Variants in ERBB4 observed in about 807,000 individuals in gnomAD.
ERBB4 encodes the protein erb-b2 receptor tyrosine kinase 4.
ERBB4 carries 42 observed loss-of-function variants against 158.0 expected under a neutral mutation model. That is an observed-to-expected ratio of 0.27 (90% CI 0.21 to 0.34). The LOEUF is 0.34. Ranked by LOEUF, ERBB4 falls within the 10% of genes least tolerant of loss-of-function variation. The pLI is 1.00. For synonymous variants in ERBB4, 583 were observed against 558.7 expected (o/e 1.04, Z -0.61); for missense variants, 1,333 against 1,624.1 (o/e 0.82, Z 3.08).
chr2:212,138,312 A>G (rs984621072), intron 1 of ERBB4, among the ~76,000 whole-genome samples: 4 of 152,188 alleles, frequency 2.6e-5, no homozygotes, highest in South Asian at 2.1e-4. Flanking sequence ...ACAGTAGTCA[A>G]TGATGTTACC....
chr2:212,101,862 C>A (rs2079093313), intron 2 of ERBB4, among the ~76,000 whole-genome samples: 1 of 151,734 alleles, frequency 6.6e-6, no homozygotes, highest in Admixed American at 6.6e-5. Context: ...TCCCTGTCTA[C>A]CGTCAACACA....
intron 2 of ERBB4, among the ~76,000 whole-genome samples, chr2:212,027,012 A>C (rs1444700855): frequency 6.6e-6 from 1 of 151,916 alleles, no homozygotes; most frequent in Non-Finnish European, 1.5e-5. Flanking sequence ...AATAATTTGT[A>C]ATATTTGTAT....
intron 1 of ERBB4, among the ~76,000 whole-genome samples, chr2:212,191,290 C>T (rs1251945170): frequency 6.6e-6 from 1 of 151,992 alleles, no homozygotes; most frequent in Non-Finnish European, 1.5e-5. Context: ...ATGCTATTGG[C>T]CTGGGGACTA....
At chr2:211,619,901 C>A (rs1160120157) in intron 18 of ERBB4, among the ~76,000 whole-genome samples, 1 of 151,860 alleles carries the variant, frequency 6.6e-6, no homozygotes, top group Admixed American at 6.6e-5. Context: ...TATGTGTGTG[C>A]GTGAAGGAAT....
chr2:211,956,292 A>G (rs1362628359), intron 2 of ERBB4, among the ~76,000 whole-genome samples: 3 of 152,170 alleles, frequency 2.0e-5, no homozygotes, highest in East Asian at 3.8e-4. Flanking sequence ...CCTTTGAATT[A>G]AACTTTGTTT....
At chr2:212,523,460 G>GT (rs1280764964) in intron 1 of ERBB4, among the ~76,000 whole-genome samples, 1 of 151,806 alleles carries the variant, frequency 6.6e-6, no homozygotes, top group Non-Finnish European at 1.5e-5. Context: ...ATTCTCTATT[G>GT]TTTTTTAAAT....
chr2:212,138,672 T>C (rs1176187374), intron 1 of ERBB4, among the ~76,000 whole-genome samples: 1 of 152,190 alleles, frequency 6.6e-6, no homozygotes, highest in Non-Finnish European at 1.5e-5. Context: ...CCTTAACAAA[T>C]GTTTTATTCA....
In ERBB4 at chr2:211,413,309, AACACACACAC is replaced by A. The variant is rs36108369; in HGVS notation, c.3135+7122_3135+7131del. On this transcript the variant is annotated intron_variant, in intron 25 of 27. Transcript: ENST00000342788. ...GGACAGAGAGAGACCCTGTCTTAAA[AACACACACAC>A]ACACACACACACACACACACACACA... 3.8e-3 allele frequency among the ~76,000 whole-genome samples: 364 copies of A among 94,570 alleles called. 15 individuals are homozygous for A. Among genetic ancestry groups the A allele is most frequent in the African/African-American group, 0.013 (331 of 26,046 alleles). 62.0% of individuals were successfully genotyped at this position (94,570 alleles called of 152,430 possible).
chr2:211,639,914 G>A (rs1331665747), intron 16 of ERBB4, among the ~76,000 whole-genome samples: 1 of 152,036 alleles, frequency 6.6e-6, no homozygotes, highest in Non-Finnish European at 1.5e-5. Context: ...GTAGAGACAG[G>A]GTTTCACCAT....
At position 212,292,414 on chromosome 2, in the gene ERBB4, C is replaced by T. The variant is rs189093625; in HGVS notation, c.83-167511G>A. The stretch of plus-strand genomic sequence containing the variant: ...GAATCCTCACTACTAGTTCAATGAT[C>T]TCTGAATGCTCCACTTCTACCAATT... On this transcript the variant is annotated intron_variant, in intron 1 of 27. Coordinates refer to ENST00000342788, the MANE Select transcript of ERBB4 (RefSeq NM_005235.3). Among the ~76,000 whole-genome samples the T allele has an allele frequency of 1.1e-4, 17 of 152,052 alleles. No homozygotes were observed. The East Asian group carries it at 2.7e-3, about 24-fold the overall frequency.
At chr2:211,558,937 C>G (rs2067311608) in intron 20 of ERBB4, among the ~76,000 whole-genome samples, 1 of 152,108 alleles carries the variant, frequency 6.6e-6, no homozygotes, top group African/African-American at 2.4e-5. Context: ...AATCCTTCAT[C>G]TTTCCATATA....
chr2:211,710,827 A>G (rs1013916559), intron 9 of ERBB4, among the ~76,000 whole-genome samples: 3 of 152,008 alleles, frequency 2.0e-5, no homozygotes, highest in Admixed American at 1.3e-4. Context: ...TTGGCCTTCC[A>G]TCATGATTGT....
chr2:211,738,033 G>C (rs13004899), intron 5 of ERBB4, among the ~76,000 whole-genome samples: 103,518 of 151,096 alleles, frequency 0.69, 36,545 homozygotes, highest in Non-Finnish European at 0.79. Flanking sequence ...TAATCTAAGT[G>C]TTAAAATAAT....
chr2:212,058,895 C>G (rs2077668714), intron 2 of ERBB4, among the ~76,000 whole-genome samples: 1 of 152,144 alleles, frequency 6.6e-6, no homozygotes, highest in Admixed American at 6.5e-5. Context: ...CAGGGATGCC[C>G]TCTCTCATCA....
intron 1 of ERBB4, among the ~76,000 whole-genome samples, chr2:212,137,799 A>C (rs1410480595): frequency 6.6e-6 from 1 of 152,222 alleles, no homozygotes; most frequent in Non-Finnish European, 1.5e-5. Flanking sequence ...AACAGTGTAT[A>C]AGCACTCCTC....
chr2:212,066,174 T>C (rs1201467166), intron 2 of ERBB4, among the ~76,000 whole-genome samples: 1 of 151,682 alleles, frequency 6.6e-6, no homozygotes, highest in Non-Finnish European at 1.5e-5. Context: ...GCAACAGGAG[T>C]AAATTTAAAG....
intron 25 of ERBB4, among the ~76,000 whole-genome samples, chr2:211,415,172 A>G (rs2063359599): frequency 8.6e-6 from 1 of 116,866 alleles, no homozygotes; most frequent in African/African-American, 3.3e-5. Flanking sequence ...GCTGGAGTGC[A>G]GTGGCGCGAC....
chr2:212,269,603 A>C (rs977536306), intron 1 of ERBB4, among the ~76,000 whole-genome samples: 1 of 151,850 alleles, frequency 6.6e-6, no homozygotes, highest in East Asian at 1.9e-4. Context: ...AAATACTTAG[A>C]GATAGCTATG....
intron 1 of ERBB4, among the ~76,000 whole-genome samples, chr2:212,393,252 A>G (rs1414544654): frequency 1.3e-5 from 2 of 152,054 alleles, no homozygotes; most frequent in Non-Finnish European, 2.9e-5. Context: ...TAAACCAAAA[A>G]TTATAGTGCC....
Sources: allele counts gnomAD v4.1 joint callset (sites outside exome capture counted in the v4.1 genomes callset), GRCh38; gene constraint gnomAD v4.1.1; transcripts MANE v1.5; gene names NCBI Gene and HGNC (gene_info 2026-07-23, HGNC 2026-07-21).